The following MED16 variants were observed in gnomAD, a reference collection of about 807,000 sequenced individuals.
MED16 encodes mediator complex subunit 16.
Under a neutral mutation model 84.4 loss-of-function variants are expected in MED16, and 81 were observed. That is an observed-to-expected ratio of 0.96 (90% CI 0.80 to 1.15). The LOEUF (loss-of-function observed/expected upper bound fraction) is 1.15. Ranked by LOEUF, MED16 falls within the 50% of genes most tolerant of loss-of-function variation. The pLI, the probability that MED16 is intolerant of heterozygous loss-of-function variation, is 0.00. For synonymous variants in MED16, 897 were observed against 552.2 expected (o/e 1.62, Z -8.76); for missense variants, 1,585 against 1,245.9 (o/e 1.27, Z -4.10).
intron 9 of MED16, among the ~76,000 whole-genome samples, chr19:875,942 C>T (rs535996580): frequency 3.3e-5 from 5 of 152,186 alleles, no homozygotes; most frequent in African/African-American, 1.2e-4. Context: ...GACACCCCAT[C>T]TCTACAAAAA....
intron 2 of MED16, 133 bp from the exon 3 acceptor site, chr19:890,377 T>C (rs1309065371): frequency 9.8e-6 from 6 of 610,100 alleles, no homozygotes; most frequent in Non-Finnish European, 1.7e-5. Flanking sequence ...GTCAGCCGAG[T>C]CGACAGCTCA....
chr19:877,965 C>G (rs1460509480), intron 8 of MED16, among the ~76,000 whole-genome samples: 1 of 80,578 alleles, frequency 1.2e-5, no homozygotes, highest in Non-Finnish European at 2.6e-5. Context: ...GCCCCAGCCC[C>G]AGCCCCAGCC....
intron 5 of MED16, among the ~76,000 whole-genome samples, chr19:885,377 G>T (rs945771281): frequency 3.9e-5 from 6 of 152,142 alleles, no homozygotes; most frequent in Non-Finnish European, 7.4e-5. Flanking sequence ...CCTAGGACCG[G>T]TGGCTGGGCC....
At chr19:871,611 A>G in intron 12 of MED16, 1 of 1,595,864 alleles carries the variant, frequency 6.3e-7, no homozygotes, top group Non-Finnish European at 8.5e-7. Context: ...GGTGCCTGGA[A>G]GTGGCTGCCA....
intron 10 of MED16, among the ~76,000 whole-genome samples, chr19:874,902 G>A (rs1371721728): frequency 6.6e-6 from 1 of 152,058 alleles, no homozygotes; most frequent in Admixed American, 6.6e-5. Flanking sequence ...CCAGCCTTTA[G>A]GCTATATCCC....
chr19:881,232 T>C (rs1283658070), intron 7 of MED16, among the ~76,000 whole-genome samples: 2 of 152,196 alleles, frequency 1.3e-5, no homozygotes, highest in Non-Finnish European at 2.9e-5. Flanking sequence ...ACATTATGGC[T>C]GCTGCAGCAC....
At chr19:873,300 TC>T in intron 11 of MED16, 148 bp downstream of exon 11, 1 of 540,270 alleles carries the variant, frequency 1.9e-6, no homozygotes, top group South Asian at 2.2e-5. Flanking sequence ...GGGGCGGGAC[TC>T]CAAGTAGGGG....
At position 889,708 on chromosome 19, in the gene MED16, A is replaced by G. The variant is rs1364342685; in HGVS notation, c.377T>C (p.Val126Ala). The G allele has an allele frequency of 1.1e-5, 18 of 1,613,770 alleles. No homozygotes were observed. Among genetic ancestry groups the G allele is most frequent in the Admixed American group, 3.3e-5 (2 of 59,994 alleles). ...NSWESSVGSL[V>A]EGDPIVALSW... ...CAGGGCCACAATGGGGTCCCCCTCC[A>G]CTAGGCTGCCCACTGAGCTCTCCCA... The change falls in exon 4 of 16, where the codon GTG (valine) becomes GCG (alanine). Residue 126 changes from valine to alanine, a missense_variant. Val to Ala is a moderately conservative substitution (Grantham distance 64, BLOSUM62 0). Transcript: ENST00000325464.
At chr19:891,321 G>A (rs886307297) in intron 1 of MED16, among the ~76,000 whole-genome samples, 172 bp from the exon 2 acceptor site, 2 of 152,186 alleles carry the variant, frequency 1.3e-5, no homozygotes, top group African/African-American at 4.8e-5. Context: ...AACATGGAGA[G>A]GTCAGGGCCA....
intron 4 of MED16, among the ~76,000 whole-genome samples, chr19:889,338 C>G (rs1372007631): frequency 6.6e-6 from 1 of 152,044 alleles, no homozygotes; most frequent in Non-Finnish European, 1.5e-5. Flanking sequence ...AGGACAGTAG[C>G]CTCCAGTGAA....
chr19:883,057 C>T (rs991388722), intron 6 of MED16, among the ~76,000 whole-genome samples: 2 of 152,326 alleles, frequency 1.3e-5, no homozygotes, highest in East Asian at 3.9e-4. Flanking sequence ...GACGACCACA[C>T]CCCCAGCTAG....
chr19:882,374 T>C (rs930079328), intron 6 of MED16, among the ~76,000 whole-genome samples: 5 of 147,126 alleles, frequency 3.4e-5, no homozygotes, highest in Non-Finnish European at 7.6e-5. Context: ...ATTAGCTGTG[T>C]GTGGTGGTGA....
chr19:879,703 G>A lies in MED16; in HGVS notation c.1353+234C>T, dbSNP rs28463488. On this transcript the variant is annotated intron_variant, in intron 8 of 15. Transcript: ENST00000325464. ...CCAGCCCCACGTGCCCCAGCAGCTC[G>A]CCTTCCCCTGGTTGTCAATGCCCAG... Among the ~76,000 whole-genome samples, 19 of 45,930 alleles carry A rather than the reference G, an allele frequency of 4.1e-4. No homozygotes were observed. Among genetic ancestry groups the A allele is most frequent in the East Asian group, 1.1e-3 (2 of 1,824 alleles). The allele number at this position is 45,930 out of a possible 152,430, so 30.1% of individuals were successfully genotyped here.
rs1488354995 is a variant in MED16 at position 877,041 on chromosome 19, C to A, written c.1493G>T (p.Ser498Ile). The stretch of plus-strand genomic sequence containing the variant: ...CTTCTCCACCAGGCTCTGTACCATA[C>A]TGGGCTGCACGTGCAGCAGGATGTC... ...WWDILLHVQP[S>I]MVQSLVEKLH... Residue 498 changes from serine to isoleucine, a missense_variant, in exon 9 of 16, where the codon AGT (serine) becomes ATT (isoleucine). Transcript: ENST00000325464. 6.2e-7 allele frequency: 1 copy of A among 1,612,654 alleles called. No homozygotes were observed. Among genetic ancestry groups the A allele is most frequent in the Non-Finnish European group, 8.5e-7 (1 of 1,179,922 alleles).
intron 11 of MED16, among the ~76,000 whole-genome samples, chr19:873,244 G>GGGCGGGGCTGA (rs1394339845): frequency 3.5e-5 from 5 of 144,126 alleles, no homozygotes; most frequent in Non-Finnish European, 7.6e-5. Flanking sequence ...CTCCAAGTAG[G>GGGCGGGGCTGA]GGTGGGACTC....
chr19:868,555 C>T, intron 14 of MED16, 56 bp from the exon 15 acceptor site: 1 of 1,589,062 alleles, frequency 6.3e-7, no homozygotes, highest in Non-Finnish European at 8.5e-7. Context: ...CTCCCTTACG[C>T]CTGCCCCACT....
intron 7 of MED16, 55 bp from the exon 8 acceptor site, chr19:880,203 G>GT: frequency 6.7e-7 from 1 of 1,497,944 alleles, no homozygotes; most frequent in Non-Finnish European, 8.9e-7. Context: ...ACGCCCGCCG[G>GT]GGGAGGGGCC....
Position 868,409 on chromosome 19 carries a change from A to G in MED16, c.2483+7T>C, listed in dbSNP as rs369452653. On this transcript the variant is annotated splice_region_variant and intron_variant, in intron 15 of 15. Coordinates refer to ENST00000325464, the MANE Select transcript of MED16 (RefSeq NM_005481.3). ...TGAGGGGCACCCGCCACCAGAGCCC[A>G]CCGCACAGGCAGTTCTTGATCCAGC... 3.7e-6 allele frequency: 6 copies of G among 1,609,334 alleles called. No homozygotes were observed. Among genetic ancestry groups the G allele is most frequent in the Non-Finnish European group, 5.1e-6 (6 of 1,179,830 alleles).
intron 4 of MED16, 32 bp downstream of exon 4, chr19:889,606 G>T: frequency 6.3e-7 from 1 of 1,586,268 alleles, no homozygotes; most frequent in Non-Finnish European, 8.6e-7. Context: ...CATCTCATCT[G>T]CCTCATCCGC....
Sources: gnomAD v4.1 joint callset for allele counts (sites outside exome capture counted in the v4.1 genomes callset) on GRCh38, gnomAD v4.1.1 for gene constraint, MANE v1.5 for transcripts, NCBI Gene and HGNC (gene_info 2026-07-23, HGNC 2026-07-21) for gene names.